Variants in OPRD1 observed in about 807,000 individuals in gnomAD.
OPRD1 encodes opioid receptor delta 1, also known as delta-type opioid receptor.
A neutral mutation model predicts 17.5 loss-of-function variants in OPRD1; 19 were observed. The ratio of observed to expected loss-of-function variants is 1.09; its 90% CI spans 0.76 to 1.60. OPRD1 has a LOEUF of 1.60. OPRD1 is among the 40% of genes most tolerant of loss of function. The pLI is 0.00. For synonymous variants in OPRD1, 256 were observed against 240.9 expected (o/e 1.06, Z -0.58); for missense variants, 483 against 547.2 (o/e 0.88, Z 1.17).
At chr1:28,837,791 G>A (rs2088865587) in intron 1 of OPRD1, among the ~76,000 whole-genome samples, 1 of 150,114 alleles carries the variant, frequency 6.7e-6, no homozygotes, top group African/African-American at 2.5e-5. Context: ...TCCAAAGTGG[G>A]ATTACAGGTG....
rs199686354 is a variant in OPRD1 at position 28,861,915 on chromosome 1, T to TTC, written c.578-826_578-825insCT. ...ACCTTAGCCTTTTCTTTTCTTTTCT[T>TTC]TTTTTTTTTTTTTTGAGACGGAGTC... On this transcript the variant is annotated intron_variant, in intron 2 of 2. Transcript: ENST00000234961. Among the ~76,000 whole-genome samples, 855 of 139,106 alleles carry TTC rather than the reference T, an allele frequency of 6.1e-3. 11 individuals carry two copies. Among genetic ancestry groups the TTC allele is most frequent in the South Asian group, 0.024 (109 of 4,554 alleles). 91.3% of individuals were successfully genotyped at this position (139,106 alleles called of 152,430 possible).
intron 1 of OPRD1, among the ~76,000 whole-genome samples, chr1:28,817,685 T>A (rs1373977813): frequency 6.6e-6 from 1 of 152,074 alleles, no homozygotes; most frequent in African/African-American, 2.4e-5. Flanking sequence ...CCCAGAGGTG[T>A]GGCTTTGGGC....
chr1:28,814,435 T>C (rs2088656631), intron 1 of OPRD1, among the ~76,000 whole-genome samples: 1 of 152,198 alleles, frequency 6.6e-6, no homozygotes, highest in Non-Finnish European at 1.5e-5. Flanking sequence ...TCCTGTAGAA[T>C]CTGACTAAAG....
intron 1 of OPRD1, among the ~76,000 whole-genome samples, chr1:28,833,097 C>T (rs865849552): frequency 1.1e-4 from 17 of 152,244 alleles, no homozygotes; most frequent in African/African-American, 3.6e-4. Flanking sequence ...TACAGGAGAC[C>T]TTGCATGCAA....
At chr1:28,820,618 G>C (rs1454106285) in intron 1 of OPRD1, among the ~76,000 whole-genome samples, 2 of 151,940 alleles carry the variant, frequency 1.3e-5, no homozygotes, top group Admixed American at 1.3e-4. Flanking sequence ...TGGAGTCCAG[G>C]AGTTCGAGAC....
chr1:28,824,314 T>TG (rs2088744566), intron 1 of OPRD1, among the ~76,000 whole-genome samples: 2 of 45,842 alleles, frequency 4.4e-5, no homozygotes, highest in South Asian at 9.7e-4. Context: ...TTCTTTTTTC[T>TG]TTTTTTTTTT....
chr1:28,859,281 C>A lies in OPRD1; in HGVS notation c.555C>A (p.Val185=), dbSNP rs1204084722. The A allele has an allele frequency of 1.2e-6, 2 of 1,613,720 alleles. No homozygotes were observed. The highest frequency in any genetic ancestry group is 2.2e-5 in the South Asian group (2 of 91,018). Residue 185 remains valine (V), a synonymous_variant, in exon 2 of 3, where the codon GTC becomes GTA. Transcript: ENST00000234961. ...LASGVGVPIM[V]MAVTRPRDGA... is the part of the protein sequence containing the mutation. ...CAGGCGTTGGCGTGCCCATCATGGT[C>A]ATGGCTGTGACCCGTCCCCGGGGTG...
intron 1 of OPRD1, among the ~76,000 whole-genome samples, chr1:28,847,945 C>G (rs547582391): frequency 1.3e-5 from 2 of 151,628 alleles, no homozygotes; most frequent in Non-Finnish European, 2.9e-5. Context: ...ACAAAAAAAA[C>G]CCAGTTATTG....
Position 28,842,132 on chromosome 1 carries a change from C to T in OPRD1, c.228-16822C>T, listed in dbSNP as rs190366722. Among the ~76,000 whole-genome samples, 13 of 152,140 alleles carry T rather than the reference C, an allele frequency of 8.5e-5. No individual in the cohort carries two copies. The East Asian group carries it at 2.1e-3, about 25-fold the overall frequency. ...GCAGCCTCAACCTCCCAGACTCAAG[C>T]GATCCTCCCACCTCAGCCTCCGGGG... On this transcript the variant is annotated intron_variant, in intron 1 of 2. Transcript: ENST00000234961.
chr1:28,841,448 C>T (rs1255765577), intron 1 of OPRD1, among the ~76,000 whole-genome samples: 2 of 152,170 alleles, frequency 1.3e-5, no homozygotes, highest in South Asian at 2.1e-4. Flanking sequence ...GATAGATATG[C>T]GCTTGTGTCC....
In OPRD1 at chr1:28,870,100, T is replaced by C. The variant is rs1459927821; in HGVS notation, c.*6817T>C. The C allele has an allele frequency of 6.6e-6, 1 of 152,150 alleles. No homozygotes were observed. The highest frequency in any genetic ancestry group is 1.9e-4 in the East Asian group (1 of 5,190). The allele number at this position is 152,150 out of a possible 1,614,324, so 9.4% of individuals were successfully genotyped here. A position where few individuals can be genotyped will look rare whatever the true frequency, so the allele number is the denominator to read the frequency against. Reference sequence around the variant, plus strand: ...TGGTCATGAAAGTGTTCCCAGGAAATGCAAATGGACACACAGTAGTTATCT... The same window carrying C: ...TGGTCATGAAAGTGTTCCCAGGAAACGCAAATGGACACACAGTAGTTATCT... On this transcript the variant is annotated 3_prime_UTR_variant, in exon 3 of 3. Transcript: ENST00000234961.
intron 2 of OPRD1, among the ~76,000 whole-genome samples, chr1:28,861,106 T>C (rs1003227741): frequency 6.6e-6 from 1 of 152,196 alleles, no homozygotes; most frequent in Non-Finnish European, 1.5e-5. Flanking sequence ...TCCTATACAA[T>C]GAAGGTCTTG....
rs1195044473 is a variant in OPRD1 at position 28,867,529 on chromosome 1, C to A, written c.*4246C>A. 6.6e-6 allele frequency: 1 copy of A among 151,492 alleles called. No individual in the cohort carries two copies. The highest frequency in any genetic ancestry group is 6.6e-5 in the Admixed American group (1 of 15,182). 9.4% of individuals were successfully genotyped at this position (151,492 alleles called of 1,614,324 possible). ...CAATTTTTTTTTTTTTCAATAGAGA[C>A]CAGAGTGTCTCTGTGTTGCCCAGAC... On this transcript the variant is annotated 3_prime_UTR_variant, in exon 3 of 3. Transcript: ENST00000234961.
chr1:28,858,754 C>T (rs2089082257), intron 1 of OPRD1, among the ~76,000 whole-genome samples, 200 bp from the exon 2 acceptor site: 1 of 151,942 alleles, frequency 6.6e-6, no homozygotes, highest in South Asian at 2.1e-4. Flanking sequence ...TCTTGTTAGC[C>T]AGGATGGTCT....
chr1:28,834,834 CTT>C (rs1248471399), intron 1 of OPRD1, among the ~76,000 whole-genome samples: 1 of 152,198 alleles, frequency 6.6e-6, no homozygotes, highest in Non-Finnish European at 1.5e-5. Flanking sequence ...AAACCCCTGA[CTT>C]TTCAGCTTAG....
At position 28,867,046 on chromosome 1, in the gene OPRD1, G is replaced by C. The variant is rs554129634; in HGVS notation, c.*3763G>C. 6.8e-6 allele frequency: 1 copy of C among 147,962 alleles called. No homozygotes were observed. Among genetic ancestry groups the C allele is most frequent in the East Asian group, 2.0e-4 (1 of 5,040 alleles). The allele number at this position is 147,962 out of a possible 1,614,324, so 9.2% of individuals were successfully genotyped here. ...AGCCAGTGTCTTGCTCTGTTGCCCA[G>C]TCTGGAGTGCAAGTGCAGTGGTGCA... On this transcript the variant is annotated 3_prime_UTR_variant, in exon 3 of 3. Transcript: ENST00000234961.
intron 1 of OPRD1, among the ~76,000 whole-genome samples, chr1:28,847,799 C>G (rs1277525862): frequency 3.3e-5 from 5 of 151,884 alleles, no homozygotes; most frequent in Non-Finnish European, 2.9e-5. Context: ...CCACTGCACT[C>G]CAGCATGGGC....
rs186068504 is a variant in OPRD1 at position 28,840,362 on chromosome 1, T to C, written c.228-18592T>C. 9.2e-3 allele frequency among the ~76,000 whole-genome samples: 1,395 copies of C among 152,104 alleles called. 16 individuals carry two copies. Among genetic ancestry groups the C allele is most frequent in the African/African-American group, 0.029 (1,223 of 41,494 alleles). Reference sequence around the variant, plus strand: ...TCTACTTCCTGCACTCAGGTGATCCTCCCACCTCAGCCTCCCGAGTAGCTG... The same window carrying C: ...TCTACTTCCTGCACTCAGGTGATCCCCCCACCTCAGCCTCCCGAGTAGCTG... On this transcript the variant is annotated intron_variant, in intron 1 of 2. Coordinates refer to ENST00000234961, the MANE Select transcript of OPRD1 (RefSeq NM_000911.4).
At chr1:28,848,989 C>T (rs2088976808) in intron 1 of OPRD1, among the ~76,000 whole-genome samples, 1 of 152,186 alleles carries the variant, frequency 6.6e-6, no homozygotes, top group African/African-American at 2.4e-5. Context: ...AACCAGATGG[C>T]TACCCTCCAC....
Sources: allele counts gnomAD v4.1 joint callset (sites outside exome capture counted in the v4.1 genomes callset), GRCh38; gene constraint gnomAD v4.1.1; transcripts MANE v1.5; gene names NCBI Gene and HGNC (gene_info 2026-07-23, HGNC 2026-07-21).